The following CNTNAP4 variants were observed in gnomAD, a reference collection of about 807,000 sequenced individuals.
CNTNAP4 encodes the protein contactin associated protein family member 4, also known as contactin-associated protein-like 4.
Under a neutral mutation model 148.4 loss-of-function variants are expected in CNTNAP4, and 98 were observed. The ratio of observed to expected loss-of-function variants is 0.66; its 90% confidence interval spans 0.56 to 0.78. The LOEUF is 0.78. Among genes scored for constraint, CNTNAP4 ranks in the 30% least tolerant of loss-of-function variants. The pLI is 0.00. For synonymous variants in CNTNAP4, 730 were observed against 565.1 expected, an observed-to-expected ratio of 1.29 and a Z score of -4.14; for missense variants, 1,935 against 1,565.6, an observed-to-expected ratio of 1.24 and a Z score of -3.98.
chr16:76,396,626 A>G (rs576984057), intron 3 of CNTNAP4, among the ~76,000 whole-genome samples: 8 of 152,258 alleles, frequency 5.3e-5, no homozygotes, highest in Middle Eastern at 3.4e-3. Flanking sequence ...GTCCTGTGAA[A>G]TTGCTTATAT....
chr16:76,336,001 A>G (rs189568230), intron 2 of CNTNAP4, among the ~76,000 whole-genome samples: 4 of 152,176 alleles, frequency 2.6e-5, no homozygotes, highest in African/African-American at 9.6e-5. Flanking sequence ...CCCCACCACA[A>G]CTGCTCCTAG....
intron 3 of CNTNAP4, among the ~76,000 whole-genome samples, chr16:76,357,350 A>C (rs2012816392): frequency 6.6e-6 from 1 of 152,176 alleles, no homozygotes; most frequent in Non-Finnish European, 1.5e-5. Context: ...AAATTGTTGT[A>C]CTTCTGTTAA....
chr16:76,405,561 A>G (rs1227825667), intron 3 of CNTNAP4, among the ~76,000 whole-genome samples: 2 of 151,748 alleles, frequency 1.3e-5, no homozygotes, highest in Non-Finnish European at 2.9e-5. Flanking sequence ...AGAAAACTGT[A>G]AGAAAATCAT....
At chr16:76,492,824 C>G (rs534058318) in intron 13 of CNTNAP4, among the ~76,000 whole-genome samples, 1 of 152,258 alleles carries the variant, frequency 6.6e-6, no homozygotes, top group South Asian at 2.1e-4. Context: ...TCCATCAAAC[C>G]TCTTTTCTTT....
In CNTNAP4 at chr16:76,372,609, C is replaced by T. The variant is rs890894310; in HGVS notation, c.390+17098C>T. The stretch of plus-strand genomic sequence containing the variant: ...GATCTGATGGTTTTGTAAAGGGTTT[C>T]CCCTTTCGCTTGGCTCTCATTCTGT... On this transcript the variant is annotated intron_variant, in intron 3 of 23. Coordinates refer to ENST00000611870, the MANE Select transcript of CNTNAP4 (RefSeq NM_033401.5). 1.2e-4 allele frequency among the ~76,000 whole-genome samples: 18 copies of T among 152,246 alleles called. 1 individual carries two copies. The highest frequency in any genetic ancestry group is 1.1e-3 in the Admixed American group (17 of 15,282).
At chr16:76,495,950 A>G (rs564700941) in intron 14 of CNTNAP4, among the ~76,000 whole-genome samples, 2 of 152,204 alleles carry the variant, frequency 1.3e-5, no homozygotes, top group South Asian at 2.1e-4. Context: ...ACTAAATCCC[A>G]TCACATCAAC....
At chr16:76,364,815 T>G (rs903853759) in intron 3 of CNTNAP4, among the ~76,000 whole-genome samples, 2 of 152,208 alleles carry the variant, frequency 1.3e-5, no homozygotes, top group African/African-American at 4.8e-5. Context: ...TTACAACTAT[T>G]CTGTAGGTTG....
rs907272319 is a variant in CNTNAP4, at chr16:76,501,993, T to C, written c.2365+3299T>C. Among the ~76,000 whole-genome samples, 684 of 149,834 alleles carry C rather than the reference T, an allele frequency of 4.6e-3. 2 individuals are homozygous for C. Among genetic ancestry groups the C allele is most frequent in the African/African-American group, 0.013 (535 of 40,752 alleles). On this transcript the variant is annotated intron_variant, in intron 15 of 23. Transcript: ENST00000611870. ...CTGAGGCAGGAGAATGGCGTGAACCTGGGAGGCGGAGCTTGCAGTGAGCCG... is the reference window on the plus strand; with the variant it reads ...CTGAGGCAGGAGAATGGCGTGAACCCGGGAGGCGGAGCTTGCAGTGAGCCG...
chr16:76,375,247 C>G (rs1002835836), intron 3 of CNTNAP4, among the ~76,000 whole-genome samples: 4 of 152,044 alleles, frequency 2.6e-5, no homozygotes, highest in African/African-American at 9.6e-5. Flanking sequence ...CATGGTAAAA[C>G]CCTGTCTCCA....
intron 13 of CNTNAP4, among the ~76,000 whole-genome samples, chr16:76,490,767 T>C (rs1289773868): frequency 6.6e-6 from 1 of 152,196 alleles, no homozygotes; most frequent in African/African-American, 2.4e-5. Context: ...TTGCGTATTC[T>C]GTGTCCACCC....
intron 15 of CNTNAP4, among the ~76,000 whole-genome samples, chr16:76,505,510 T>C (rs1275173054): frequency 1.0e-5 from 1 of 97,224 alleles, no homozygotes; most frequent in African/African-American, 2.6e-5. Flanking sequence ...AAGAAAACTT[T>C]GTCAGGTGAA....
intron 15 of CNTNAP4, among the ~76,000 whole-genome samples, chr16:76,512,417 TGAAAG>T (rs2083064590): frequency 1.3e-5 from 2 of 151,994 alleles, no homozygotes; most frequent in African/African-American, 4.8e-5. Flanking sequence ...TGGGTAGAGT[TGAAAG>T]GAAAACCAGT....
chr16:76,449,172 AT>A (rs2080362859), intron 6 of CNTNAP4, among the ~76,000 whole-genome samples: 1 of 152,128 alleles, frequency 6.6e-6, no homozygotes. Flanking sequence ...GAGGGAGATG[AT>A]CTTTTTTACC....
intron 2 of CNTNAP4, 136 bp downstream of exon 2, chr16:76,316,659 A>C: frequency 1.5e-6 from 1 of 648,176 alleles, no homozygotes. Context: ...AAAACTCATG[A>C]GATGTATATG....
At chr16:76,376,033 A>G (rs1243278236) in intron 3 of CNTNAP4, among the ~76,000 whole-genome samples, 1 of 152,090 alleles carries the variant, frequency 6.6e-6, no homozygotes, top group Non-Finnish European at 1.5e-5. Context: ...AGTTAAATAC[A>G]AAAGGAGACA....
rs1294837318 is a variant in CNTNAP4, at chr16:76,416,326, C to T, written c.391-11126C>T. Reference sequence around the variant, plus strand: ...ATTCTTTAGGCTTCAATTCTAAATTCTCTAATAACCTAGGATGAAAACTTG... The same window carrying T: ...ATTCTTTAGGCTTCAATTCTAAATTTTCTAATAACCTAGGATGAAAACTTG... On this transcript the variant is annotated intron_variant, in intron 3 of 23. Coordinates refer to ENST00000611870, the MANE Select transcript of CNTNAP4 (RefSeq NM_033401.5). Among the ~76,000 whole-genome samples the T allele has an allele frequency of 2.0e-5, 3 of 151,186 alleles. No individual in the cohort carries two copies. The South Asian group carries it at 6.2e-4, about 31-fold the overall frequency.
intron 2 of CNTNAP4, among the ~76,000 whole-genome samples, chr16:76,337,201 G>A (rs1964094324): frequency 6.6e-6 from 1 of 152,178 alleles, no homozygotes; most frequent in Non-Finnish European, 1.5e-5. Flanking sequence ...AGCGGTTTTT[G>A]GATGCTGAAA....
intron 3 of CNTNAP4, among the ~76,000 whole-genome samples, chr16:76,359,700 A>C (rs899471562): frequency 2.0e-5 from 3 of 152,318 alleles, no homozygotes; most frequent in Non-Finnish European, 4.4e-5. Context: ...TATTCTGCTG[A>C]ATGGCAAACA....
intron 2 of CNTNAP4, among the ~76,000 whole-genome samples, chr16:76,335,460 G>T (rs1963938099): frequency 6.6e-6 from 1 of 152,156 alleles, no homozygotes; most frequent in Non-Finnish European, 1.5e-5. Context: ...AGATGAGCAG[G>T]CAGAAGGCAT....
Sources: gnomAD v4.1 joint callset for allele counts (sites outside exome capture counted in the v4.1 genomes callset) on GRCh38, gnomAD v4.1.1 for gene constraint, MANE v1.5 for transcripts, NCBI Gene and HGNC (gene_info 2026-07-23, HGNC 2026-07-21) for gene names.